The following KRT7 variants were observed in gnomAD, a reference collection of about 807,000 sequenced individuals.
KRT7 encodes the protein keratin 7, also known as keratin, type II cytoskeletal 7.
KRT7 carries 50 observed loss-of-function variants against 42.8 expected under a neutral mutation model. The ratio of observed to expected loss-of-function variants is 1.17; its 90% CI spans 0.93 to 1.48. The LOEUF (loss-of-function observed/expected upper bound fraction) is 1.48. KRT7 is among the 40% of genes most tolerant of loss of function. The probability of loss-of-function intolerance (pLI) is 0.00; values close to 1 mark genes in which losing one functional copy is unlikely to be tolerated. For missense variants in KRT7, 588 were observed against 637.6 expected, an observed-to-expected ratio of 0.92 and a Z score of 0.84; for synonymous variants, 268 against 266.3, an observed-to-expected ratio of 1.01 and a Z score of -0.06.
chr12:52,252,219 G>A (rs749410179), downstream of KRT7: 1 of 1,610,614 alleles, frequency 6.2e-7, no homozygotes, highest in Admixed American at 1.7e-5. Context: ...GCACTGCCTG[G>A]GGGAAACTGA....
intron 3 of KRT7, 107 bp downstream of exon 3, chr12:52,237,676 C>A: frequency 2.4e-6 from 2 of 820,064 alleles, no homozygotes; most frequent in Non-Finnish European, 4.0e-6. Flanking sequence ...CCAAGGCCTG[C>A]CTGAGCTGTC....
Position 52,244,598 on chromosome 12 carries a change from A to T in KRT7, c.985-814A>T, listed in dbSNP as rs536074664. 2.2e-5 allele frequency: 22 copies of T among 986,014 alleles called. No homozygotes were observed. The African/African-American group carries it at 3.3e-4, about 15-fold the overall frequency. The allele number at this position is 986,014 out of a possible 1,614,324, so 61.1% of individuals were successfully genotyped here. A position where few individuals can be genotyped will look rare whatever the true frequency, so the allele number is the denominator to read the frequency against. On this transcript the variant is annotated intron_variant, in intron 6 of 8. Transcript: ENST00000331817. ...TCCACTGAGGGAAGAGGATCTGAGG[A>T]TAGAGAATGGCCGGTAAGAAGGGAG...
intron 3 of KRT7, 152 bp downstream of exon 3, chr12:52,237,721 CGTGTAT>C (rs1293403937): frequency 2.8e-5 from 9 of 322,968 alleles, no homozygotes; most frequent in African/African-American, 1.4e-4. Flanking sequence ...CCTGTGGGTG[CGTGTAT>C]GTGTGTGTGT....
At chr12:52,244,498 C>T (rs1419306421) in intron 6 of KRT7, 3 of 985,720 alleles carry the variant, frequency 3.0e-6, no homozygotes, top group East Asian at 1.1e-4. Context: ...GGGCAGGGCA[C>T]CGAGCTGTGG....
At chr12:52,237,718 G>A in intron 3 of KRT7, 149 bp downstream of exon 3, 1 of 550,642 alleles carries the variant, frequency 1.8e-6, no homozygotes, top group Non-Finnish European at 3.2e-6. Flanking sequence ...TGTCCTGTGG[G>A]TGCGTGTATG....
downstream of KRT7, chr12:52,250,677 C>A (rs1233887593): frequency 1.1e-4 from 70 of 618,708 alleles, 2 homozygotes; most frequent in South Asian, 1.1e-3. Flanking sequence ...AGTCTCCTGG[C>A]GGCCAGAGGC....
downstream of KRT7, chr12:52,251,793 C>T (rs1225303365): frequency 2.8e-6 from 1 of 358,370 alleles, no homozygotes; most frequent in East Asian, 7.3e-5. Flanking sequence ...CAAACTACGG[C>T]CACATGCAGG....
downstream of KRT7, chr12:52,253,275 T>C (rs777384811): frequency 1.9e-6 from 3 of 1,612,334 alleles, no homozygotes; most frequent in South Asian, 3.3e-5. Context: ...AGCTCGTTGA[T>C]CTCCTCCTTG....
At chr12:52,233,898 C>T (rs953779818) in intron 1 of KRT7, among the ~76,000 whole-genome samples, 2 of 152,174 alleles carry the variant, frequency 1.3e-5, no homozygotes, top group African/African-American at 4.8e-5. Context: ...TAGGGCTGCC[C>T]TCGCTGGCTG....
chr12:52,255,397 C>T (rs1354576510), downstream of KRT7: 3 of 456,640 alleles, frequency 6.6e-6, no homozygotes, highest in Non-Finnish European at 1.3e-5. Context: ...CTTAGTGCCA[C>T]CTCTTCTTCA....
chr12:52,237,157 A>G (rs935593713), intron 2 of KRT7, among the ~76,000 whole-genome samples: 2 of 152,200 alleles, frequency 1.3e-5, no homozygotes, highest in African/African-American at 4.8e-5. Flanking sequence ...TGAGGATGAA[A>G]TGAGCTCATG....
downstream of KRT7, chr12:52,253,493 C>G (rs539385981): frequency 6.4e-7 from 1 of 1,558,250 alleles, no homozygotes; most frequent in East Asian, 2.3e-5. Flanking sequence ...CAGCCCTTAT[C>G]TTCCCATCCG....
intron 4 of KRT7, among the ~76,000 whole-genome samples, chr12:52,240,408 T>A (rs1942071065): frequency 1.3e-5 from 2 of 152,078 alleles, no homozygotes; most frequent in African/African-American, 4.8e-5. Flanking sequence ...GGTGAGTGGA[T>A]CACCTGATGT....
chr12:52,238,753 TC>T lies in KRT7; in HGVS notation c.673del (p.Leu225SerfsTer9). The T allele has an allele frequency of 6.2e-7, 1 of 1,611,864 alleles. No homozygotes were observed. The highest frequency in any genetic ancestry group is 8.5e-7 in the Non-Finnish European group (1 of 1,177,992). On this transcript the variant is annotated frameshift_variant, in exon 4 of 9. Coordinates refer to ENST00000331817, the MANE Select transcript of KRT7 (RefSeq NM_005556.4). LOFTEE classifies it high-confidence loss of function. The stretch of plus-strand genomic sequence containing the variant: ...GATGCCCTGAATGATGAGATCAACT[TC>T]CTCAGGACCCTCAATGAGACGGTGA... ...KVDALNDEIN[F>X]LRTLNETELT...
chr12:52,237,749 TG>T, intron 3 of KRT7, 180 bp downstream of exon 3: 2 of 481,278 alleles, frequency 4.2e-6, no homozygotes, highest in Non-Finnish European at 7.4e-6. Flanking sequence ...TGTGTGTGTG[TG>T]TGTGTGTGTG....
chr12:52,233,396 C>T lies in KRT7; in HGVS notation c.100C>T (p.Leu34Phe). 6.4e-7 allele frequency: 1 copy of T among 1,565,736 alleles called. No homozygotes were observed. Among genetic ancestry groups the T allele is most frequent in the Non-Finnish European group, 8.6e-7 (1 of 1,162,250 alleles). The change falls in exon 1 of 9, where the codon CTT (leucine) becomes TTT (phenylalanine). Residue 34 changes from leucine (L) to phenylalanine (F), a missense_variant. Physicochemically the swap from Leu to Phe is conservative, Grantham distance 22 (BLOSUM62 0). Coordinates refer to ENST00000331817, the MANE Select transcript of KRT7 (RefSeq NM_005556.4). ...VRLSSARPGG[L>F]GSSSLYGLGA... ...CCTGAGCTCCGCTCGCCCCGGCGGC[C>T]TTGGCAGCAGCAGCCTCTACGGCCT...
downstream of KRT7, among the ~76,000 whole-genome samples, chr12:52,253,015 C>A (rs747073863): frequency 7.2e-5 from 11 of 152,188 alleles, no homozygotes; most frequent in Non-Finnish European, 1.6e-4. Flanking sequence ...CCCTTGGAAG[C>A]ACCTCATTCC....
In KRT7 at chr12:52,233,763, T is replaced by A. The variant is rs1941960516; in HGVS notation, c.324+143T>A. On this transcript the variant is annotated intron_variant, in intron 1 of 8. Transcript: ENST00000331817. ...TTCCGCCAGTGTTGGGGACACGATCTGGGGGTCCTTCCTCCTTCGCATGAA... is the reference window on the plus strand; with the variant it reads ...TTCCGCCAGTGTTGGGGACACGATCAGGGGGTCCTTCCTCCTTCGCATGAA... The A allele has an allele frequency of 7.3e-6, 6 of 826,124 alleles. No homozygotes were observed. The South Asian group carries it at 8.6e-5, about 12-fold the overall frequency. 51.2% of individuals were successfully genotyped at this position (826,124 alleles called of 1,614,324 possible). A position where few individuals can be genotyped will look rare whatever the true frequency, so the allele number is the denominator to read the frequency against.
downstream of KRT7, among the ~76,000 whole-genome samples, chr12:52,252,654 A>G (rs1231784879): frequency 6.6e-6 from 1 of 152,252 alleles, no homozygotes; most frequent in African/African-American, 2.4e-5. Flanking sequence ...AATTTTGGAA[A>G]TTTAACACAA....
Sources: allele counts gnomAD v4.1 joint callset (sites outside exome capture counted in the v4.1 genomes callset), GRCh38; gene constraint gnomAD v4.1.1; transcripts MANE v1.5; gene names NCBI Gene and HGNC (gene_info 2026-07-23, HGNC 2026-07-21).